Variants in PTK2B observed in about 807,000 individuals in gnomAD.
PTK2B encodes the protein protein-tyrosine kinase 2-beta.
PTK2B carries 71 observed loss-of-function variants against 142.9 expected under a neutral mutation model. The observed-to-expected ratio is 0.50, with a 90% CI of 0.41 to 0.61. The LOEUF is 0.61. PTK2B is among the 20% of genes least tolerant of loss of function. PTK2B has a pLI of 0.00. For synonymous variants in PTK2B, 519 were observed against 503.4 expected (o/e 1.03, Z -0.42); for missense variants, 1,105 against 1,320.4 (o/e 0.84, Z 2.53).
At chr8:27,429,615 A>G (rs111286225) in intron 5 of PTK2B, among the ~76,000 whole-genome samples, 1 of 152,186 alleles carries the variant, frequency 6.6e-6, no homozygotes, top group African/African-American at 2.4e-5. Flanking sequence ...TGTAAGTCCT[A>G]AAGTTTGTAT....
chr8:27,426,033 A>G (rs1810060669), intron 5 of PTK2B, among the ~76,000 whole-genome samples: 1 of 152,158 alleles, frequency 6.6e-6, no homozygotes, highest in Non-Finnish European at 1.5e-5. Flanking sequence ...GATCTGAGAC[A>G]CCTAGGACCA....
chr8:27,312,918 C>T (rs750764859), intron 2 of PTK2B, among the ~76,000 whole-genome samples: 6 of 152,196 alleles, frequency 3.9e-5, no homozygotes, highest in Non-Finnish European at 8.8e-5. Context: ...GAGTTAACAG[C>T]AGTGAATCTG....
chr8:27,397,710 G>A lies in PTK2B; in HGVS notation c.126G>A (p.Lys42=). Residue 42 remains lysine, a synonymous_variant, in exon 2 of 31, where the codon AAG becomes AAA. Coordinates refer to ENST00000346049, the MANE Select transcript of PTK2B (RefSeq NM_173176.3). ...DVEKEDVRIL[K]VCFYSNSFNP... is the part of the protein sequence containing the mutation. ...AAAAGGAGGACGTGCGTATCCTCAA[G>A]GTCTGCTTCTATAGCAACAGCTTCA... 2 of 1,614,272 alleles carry A rather than the reference G, an allele frequency of 1.2e-6. No homozygotes were observed.
intron 2 of PTK2B, among the ~76,000 whole-genome samples, chr8:27,414,637 T>C (rs1809285581): frequency 6.6e-6 from 1 of 152,222 alleles, no homozygotes; most frequent in Admixed American, 6.5e-5. Flanking sequence ...TTTCTATCTA[T>C]AAAACCATGA....
chr8:27,344,931 G>A (rs886604134), intron 1 of PTK2B, among the ~76,000 whole-genome samples: 2 of 152,182 alleles, frequency 1.3e-5, no homozygotes, highest in Non-Finnish European at 2.9e-5. Context: ...CCAGCACTTG[G>A]GAGGCCAAGG....
intron 1 of PTK2B, among the ~76,000 whole-genome samples, chr8:27,384,987 C>A (rs979651769): frequency 6.6e-6 from 1 of 152,158 alleles, no homozygotes; most frequent in East Asian, 1.9e-4. Context: ...TAGCCAGAAT[C>A]TTCATCACTG....
intron 1 of PTK2B, chr8:27,327,009 C>G (rs1803458559): frequency 2.0e-5 from 3 of 152,238 alleles, no homozygotes; most frequent in Admixed American, 2.0e-4. Context: ...GGGAGCCAGT[C>G]AGCAATGGCC....
chr8:27,407,137 C>T (rs1350535670), intron 2 of PTK2B, among the ~76,000 whole-genome samples: 1 of 152,082 alleles, frequency 6.6e-6, no homozygotes, highest in Non-Finnish European at 1.5e-5. Flanking sequence ...ATATTCTGCT[C>T]AATATAGTGA....
chr8:27,330,269 A>G (rs1419060967), intron 1 of PTK2B, among the ~76,000 whole-genome samples: 1 of 152,196 alleles, frequency 6.6e-6, no homozygotes, highest in Admixed American at 6.5e-5. Context: ...GCTCTCTGGT[A>G]TCTTTACACA....
intron 1 of PTK2B, among the ~76,000 whole-genome samples, chr8:27,326,597 C>T (rs774783214): frequency 6.6e-6 from 1 of 152,164 alleles, no homozygotes; most frequent in African/African-American, 2.4e-5. Context: ...GGGTCTGAGC[C>T]CACTGGGGCA....
chr8:27,412,629 C>T (rs1454007212), intron 2 of PTK2B, among the ~76,000 whole-genome samples: 1 of 152,116 alleles, frequency 6.6e-6, no homozygotes, highest in East Asian at 1.9e-4. Flanking sequence ...ACATTTCATG[C>T]TTAGAAAGCT....
rs58179493 is a variant in PTK2B at position 27,438,639 on chromosome 8, C to T, written c.1644-392C>T. 9.0e-3 allele frequency among the ~76,000 whole-genome samples: 1,369 copies of T among 152,290 alleles called. 18 individuals carry two copies. Among genetic ancestry groups the T allele is most frequent in the African/African-American group, 0.032 (1,315 of 41,542 alleles). On this transcript the variant is annotated intron_variant, in intron 18 of 30. Transcript: ENST00000346049. ...TGGTTGGAGTTTATCCTTGAAGAAT[C>T]ACCAGGTGACAGCCTCCCTGGCATG... is the stretch of plus-strand genomic sequence containing the variant.
intron 3 of PTK2B, among the ~76,000 whole-genome samples, chr8:27,317,385 A>T (rs1049679910): frequency 2.0e-5 from 3 of 152,202 alleles, no homozygotes; most frequent in Non-Finnish European, 4.4e-5. Flanking sequence ...TTTCCATTTG[A>T]TAGGCAGTGA....
At chr8:27,330,865 C>T (rs991360364) in intron 1 of PTK2B, among the ~76,000 whole-genome samples, 8 of 152,188 alleles carry the variant, frequency 5.3e-5, no homozygotes, top group African/African-American at 1.9e-4. Flanking sequence ...GTTTAGTGGT[C>T]TTCGTGGCCT....
At position 27,431,141 on chromosome 8, in the gene PTK2B, C is replaced by G. The variant is rs981138794; in HGVS notation, c.810+125C>G. ...TTCTCACTCAGGCAGCAGGACCTCGCTGACCTGCCGTCGGTGGAAGTCAAA... is the reference window on the plus strand; with the variant it reads ...TTCTCACTCAGGCAGCAGGACCTCGGTGACCTGCCGTCGGTGGAAGTCAAA... On this transcript the variant is annotated intron_variant, in intron 8 of 30. Coordinates refer to ENST00000346049, the MANE Select transcript of PTK2B (RefSeq NM_173176.3). 3 of 1,496,104 alleles carry G rather than the reference C, an allele frequency of 2.0e-6. No homozygotes were observed. In the African/African-American group the frequency reaches 4.2e-5, roughly 21 times the overall value. 92.7% of individuals were successfully genotyped at this position (1,496,104 alleles called of 1,614,324 possible). A position where few individuals can be genotyped will look rare whatever the true frequency, so the allele number is the denominator to read the frequency against.
chr8:27,407,790 G>C (rs1440934996), intron 2 of PTK2B, among the ~76,000 whole-genome samples: 1 of 152,130 alleles, frequency 6.6e-6, no homozygotes, highest in Non-Finnish European at 1.5e-5. Flanking sequence ...TGACCCTTGA[G>C]CCATGTTCAT....
rs926876935 is a variant in PTK2B at position 27,424,120 on chromosome 8, A to G, written c.551+1737A>G. 2.0e-5 allele frequency among the ~76,000 whole-genome samples: 3 copies of G among 152,316 alleles called. No individual in the cohort carries two copies. In the South Asian group the frequency reaches 6.2e-4, roughly 32 times the overall value. On this transcript the variant is annotated intron_variant, in intron 5 of 30. Coordinates refer to ENST00000346049, the MANE Select transcript of PTK2B (RefSeq NM_173176.3). ...TTCCCCTCTAAAATTAGACAAGTCGAAAAAGCTTATCTTTACCTTTTTATT... is the reference window on the plus strand; with the variant it reads ...TTCCCCTCTAAAATTAGACAAGTCGGAAAAGCTTATCTTTACCTTTTTATT...
chr8:27,355,947 C>T (rs577772683), intron 1 of PTK2B, among the ~76,000 whole-genome samples: 5 of 151,594 alleles, frequency 3.3e-5, no homozygotes, highest in South Asian at 2.1e-4. Context: ...TGCTTGAACC[C>T]GGGAGGCAGA....
intron 1 of PTK2B, among the ~76,000 whole-genome samples, chr8:27,337,056 A>G (rs1804115001): frequency 6.6e-6 from 1 of 151,560 alleles, no homozygotes; most frequent in Non-Finnish European, 1.5e-5. Context: ...TTGAGATACA[A>G]TTCACATACC....
Sources: gnomAD v4.1 joint callset for allele counts (sites outside exome capture counted in the v4.1 genomes callset) on GRCh38, gnomAD v4.1.1 for gene constraint, MANE v1.5 for transcripts, NCBI Gene and HGNC (gene_info 2026-07-23, HGNC 2026-07-21) for gene names.